The following JARID2 variants were observed in gnomAD, a reference collection of about 807,000 sequenced individuals.
The protein encoded by JARID2 is jumonji and AT-rich interaction domain containing 2, also known as protein Jumonji.
In JARID2, 21 loss-of-function variants were observed where a neutral mutation model predicts 125.6. That is an observed-to-expected ratio of 0.17 (90% CI 0.12 to 0.24). The LOEUF is 0.24. Ranked by LOEUF, JARID2 falls within the 10% of genes least tolerant of loss-of-function variation. The pLI, the probability that JARID2 is intolerant of heterozygous loss-of-function variation, is 1.00. For synonymous variants in JARID2, 736 were observed against 661.6 expected (o/e 1.11, Z -1.73); for missense variants, 1,303 against 1,639.6 (o/e 0.79, Z 3.55).
intron 6 of JARID2, among the ~76,000 whole-genome samples, chr6:15,487,787 C>A (rs570554506): frequency 1.8e-4 from 27 of 152,328 alleles, no homozygotes; most frequent in African/African-American, 6.5e-4. Context: ...AAAGTGAACT[C>A]ACTTTTTTAC....
At chr6:15,317,459 A>G (rs1215944375) in intron 1 of JARID2, among the ~76,000 whole-genome samples, 3 of 152,176 alleles carry the variant, frequency 2.0e-5, no homozygotes, top group Non-Finnish European at 4.4e-5. Context: ...CATTGTGGTA[A>G]GAGTAATTTC....
At chr6:15,323,832 C>G (rs1318538966) in intron 1 of JARID2, among the ~76,000 whole-genome samples, 4 of 151,668 alleles carry the variant, frequency 2.6e-5, no homozygotes, top group Non-Finnish European at 4.4e-5. Flanking sequence ...GCAGAAGATG[C>G]AGTGAGCTGA....
intron 1 of JARID2, among the ~76,000 whole-genome samples, chr6:15,356,938 C>T (rs931496948): frequency 6.0e-5 from 6 of 100,216 alleles, no homozygotes; most frequent in East Asian, 3.1e-4. Context: ...CACTTGAGCC[C>T]GGGAGGCAGA....
chr6:15,424,870 A>AAACAACAACAAC (rs565243083), intron 3 of JARID2, among the ~76,000 whole-genome samples: 21 of 152,168 alleles, frequency 1.4e-4, no homozygotes, highest in African/African-American at 4.8e-4. Flanking sequence ...AAACAAAACA[A>AAACAACAACAAC]AACAACAACA....
At chr6:15,410,176 C>T in intron 2 of JARID2, 48 bp from the exon 3 acceptor site, 2 of 1,582,468 alleles carry the variant, frequency 1.3e-6, no homozygotes, top group Non-Finnish European at 1.7e-6. Flanking sequence ...AAAGTGCTGC[C>T]TCCTGATGTG....
chr6:15,377,613 G>T (rs534467680), intron 2 of JARID2, among the ~76,000 whole-genome samples: 206 of 152,124 alleles, frequency 1.4e-3, no homozygotes, highest in Non-Finnish European at 2.2e-3. Context: ...TTACAGGCAT[G>T]CACCACCACA....
intron 1 of JARID2, among the ~76,000 whole-genome samples, chr6:15,327,266 G>A (rs1762561102): frequency 1.3e-5 from 2 of 151,868 alleles, no homozygotes; most frequent in South Asian, 2.1e-4. Context: ...TTTTTTAAGA[G>A]ACGGTCTTGC....
intron 16 of JARID2, among the ~76,000 whole-genome samples, chr6:15,514,481 G>T (rs1019853548): frequency 6.6e-6 from 1 of 152,162 alleles, no homozygotes; most frequent in African/African-American, 2.4e-5. Flanking sequence ...GTGCCTCTGC[G>T]TCCCTCTGCT....
chr6:15,355,976 T>A (rs924627886), intron 1 of JARID2, among the ~76,000 whole-genome samples: 30 of 152,172 alleles, frequency 2.0e-4, no homozygotes, highest in Middle Eastern at 6.8e-3. Context: ...TTAGCAGTAG[T>A]CCCCCCTCCT....
intron 1 of JARID2, among the ~76,000 whole-genome samples, chr6:15,343,348 G>T (rs1230668117): frequency 6.6e-6 from 1 of 150,872 alleles, no homozygotes; most frequent in African/African-American, 2.4e-5. Context: ...TGATTTCTGG[G>T]GTTTTCCCAT....
At chr6:15,337,241 C>T (rs1259819414) in intron 1 of JARID2, among the ~76,000 whole-genome samples, 1 of 152,172 alleles carries the variant, frequency 6.6e-6, no homozygotes, top group Non-Finnish European at 1.5e-5. Context: ...TTATCTCTTT[C>T]CTTACAATGT....
At chr6:15,406,312 T>G (rs780192043) in intron 2 of JARID2, among the ~76,000 whole-genome samples, 4 of 152,190 alleles carry the variant, frequency 2.6e-5, no homozygotes, top group Non-Finnish European at 5.9e-5. Flanking sequence ...CGAACGCCTA[T>G]AGTCCCAGCT....
At chr6:15,447,635 T>G (rs1204499726) in intron 3 of JARID2, among the ~76,000 whole-genome samples, 1 of 152,256 alleles carries the variant, frequency 6.6e-6, no homozygotes, top group African/African-American at 2.4e-5. Flanking sequence ...ATCCCAGTTC[T>G]TTTCATTTTT....
intron 3 of JARID2, among the ~76,000 whole-genome samples, chr6:15,428,075 G>C (rs999092052): frequency 6.6e-6 from 1 of 152,100 alleles, no homozygotes; most frequent in Non-Finnish European, 1.5e-5. Flanking sequence ...TCTGGCGGGT[G>C]ATGAAAGGCA....
chr6:15,300,184 C>T (rs925668736), intron 1 of JARID2, among the ~76,000 whole-genome samples: 11 of 152,262 alleles, frequency 7.2e-5, no homozygotes, highest in East Asian at 3.9e-4. Flanking sequence ...AAAAATTTTC[C>T]GCAGTGAAGG....
chr6:15,311,735 GTT>G (rs10715130), intron 1 of JARID2, among the ~76,000 whole-genome samples: 1,707 of 145,702 alleles, frequency 0.012, 42 homozygotes, highest in African/African-American at 0.04. Flanking sequence ...AAAGGTAACT[GTT>G]TTTTTTTTTT....
At position 15,319,369 on chromosome 6, in the gene JARID2, T is replaced by C. The variant is rs375297120; in HGVS notation, c.46-54748T>C. Reference sequence around the variant, plus strand: ...GGTTCTGCAGTAGCCATTTTGTGTCTGAGTGACATGGAATTTCTGTGTTGC... The same window carrying C: ...GGTTCTGCAGTAGCCATTTTGTGTCCGAGTGACATGGAATTTCTGTGTTGC... On this transcript the variant is annotated intron_variant, in intron 1 of 17. Transcript: ENST00000341776. Among the ~76,000 whole-genome samples the C allele has an allele frequency of 7.9e-5, 12 of 152,292 alleles. No individual in the cohort carries two copies. The East Asian group carries it at 1.2e-3, about 15-fold the overall frequency.
intron 3 of JARID2, among the ~76,000 whole-genome samples, chr6:15,432,384 C>G (rs973258939): frequency 1.3e-5 from 2 of 152,122 alleles, no homozygotes; most frequent in African/African-American, 4.8e-5. Context: ...GCTGAGATTG[C>G]GCCACTGCAC....
intron 1 of JARID2, among the ~76,000 whole-genome samples, chr6:15,285,578 T>TAA (rs1273258628): frequency 6.6e-6 from 1 of 152,252 alleles, no homozygotes; most frequent in East Asian, 1.9e-4. Context: ...TATATATATA[T>TAA]AACATGAGGT....
Sources: allele counts gnomAD v4.1 joint callset (sites outside exome capture counted in the v4.1 genomes callset), GRCh38; gene constraint gnomAD v4.1.1; transcripts MANE v1.5; gene names NCBI Gene and HGNC (gene_info 2026-07-23, HGNC 2026-07-21).